The following SCRG1 variants were observed in gnomAD, a reference collection of about 807,000 sequenced individuals.
SCRG1 encodes the protein stimulator of chondrogenesis 1, also known as scrapie-responsive protein 1.
Under a neutral mutation model 7.7 loss-of-function variants are expected in SCRG1, and 3 were observed. That is an observed-to-expected ratio of 0.39 (90% CI 0.18 to 1.01). The LOEUF is 1.01. SCRG1 is among the 50% of genes least tolerant of loss of function. SCRG1 has a pLI of 0.36. For missense variants in SCRG1, 110 were observed against 117.2 expected, an observed-to-expected ratio of 0.94 and a Z score of 0.28; for synonymous variants, 46 against 41.2, an observed-to-expected ratio of 1.12 and a Z score of -0.44.
chr4:173,501,100 C>T, the SCRG1 span, among the ~76,000 whole-genome samples: 8 of 152,194 alleles, frequency 5.3e-5, 1 homozygote, highest in Admixed American at 5.2e-4. The surrounding 1 kb of genome is among the most constrained non-coding windows in gnomAD (Gnocchi z 5.1). Flanking sequence ...TGGGGCCCCT[C>T]CAAAGTGGGC....
intron 1 of SCRG1, among the ~76,000 whole-genome samples, chr4:173,391,887 G>T (rs768226401): frequency 2.2e-4 from 34 of 152,176 alleles, no homozygotes; most frequent in Non-Finnish European, 4.7e-4. Context: ...TCTACTGGGG[G>T]TGGCAGAGTG....
the SCRG1 span, among the ~76,000 whole-genome samples, chr4:173,443,542 G>C: frequency 6.6e-6 from 1 of 152,168 alleles, no homozygotes; most frequent in African/African-American, 2.4e-5. Flanking sequence ...CATTTTGGGG[G>C]AGAATTTGTA....
At chr4:173,398,712 C>T (rs1739671145) in intron 1 of SCRG1, among the ~76,000 whole-genome samples, 1 of 152,222 alleles carries the variant, frequency 6.6e-6, no homozygotes, top group South Asian at 2.1e-4. Context: ...ATCCTATATA[C>T]TTTATCATCC....
At chr4:173,476,380 A>ATATATATATATATATATATATATATATAT in the SCRG1 span, among the ~76,000 whole-genome samples, 37 of 138,508 alleles carry the variant, frequency 2.7e-4, no homozygotes, top group African/African-American at 3.3e-4. Context: ...ATATATATAT[A>ATATATATATATATATATATATATATATAT]ATGAATTGAA....
At chr4:173,506,407 C>T in the SCRG1 span, among the ~76,000 whole-genome samples, 1 of 152,084 alleles carries the variant, frequency 6.6e-6, no homozygotes, top group Non-Finnish European at 1.5e-5. This position sits in a 1 kb window ranked among gnomAD's most constrained non-coding sequence, Gnocchi z 5.3. Flanking sequence ...CCTCAGTGTG[C>T]CATCAACTCC....
At chr4:173,478,777 C>A in the SCRG1 span, among the ~76,000 whole-genome samples, 1 of 151,726 alleles carries the variant, frequency 6.6e-6, no homozygotes, top group South Asian at 2.1e-4. Flanking sequence ...TGGAAGATGA[C>A]GAAAGGAAAA....
chr4:173,485,989 G>T, the SCRG1 span, among the ~76,000 whole-genome samples: 2 of 152,006 alleles, frequency 1.3e-5, no homozygotes, highest in African/African-American at 4.8e-5. Context: ...AAAAAAAATT[G>T]TATGATTCCC....
At chr4:173,420,012 A>C in the SCRG1 span, 1 of 672,520 alleles carries the variant, frequency 1.5e-6, no homozygotes. Context: ...TGTTGTATTT[A>C]TTTTTATACT....
chr4:173,487,253 G>A, the SCRG1 span, among the ~76,000 whole-genome samples: 1 of 152,174 alleles, frequency 6.6e-6, no homozygotes, highest in Non-Finnish European at 1.5e-5. Context: ...GATAGTTGAA[G>A]CTCTCACCAT....
the SCRG1 span, among the ~76,000 whole-genome samples, chr4:173,436,346 C>T: frequency 5.9e-5 from 9 of 152,168 alleles, 1 homozygote; most frequent in Admixed American, 3.9e-4. Context: ...CCACACGAAT[C>T]CATCACTTCT....
the SCRG1 span, among the ~76,000 whole-genome samples, chr4:173,513,785 T>C: frequency 1.3e-5 from 2 of 152,174 alleles, no homozygotes; most frequent in African/African-American, 2.4e-5. Context: ...TCTAAAACCA[T>C]AGAGATGATA....
At chr4:173,429,450 G>A in the SCRG1 span, among the ~76,000 whole-genome samples, 1 of 152,056 alleles carries the variant, frequency 6.6e-6, no homozygotes, top group Admixed American at 6.6e-5. Flanking sequence ...ATACCACCAT[G>A]CCTGGCTAAT....
upstream of SCRG1, among the ~76,000 whole-genome samples, chr4:173,406,545 A>C (rs1004560909): frequency 6.6e-6 from 1 of 152,222 alleles, no homozygotes; most frequent in Admixed American, 6.5e-5. Flanking sequence ...TGACAAGCAC[A>C]TAGTGTCTTG....
the SCRG1 span, among the ~76,000 whole-genome samples, chr4:173,483,272 T>TATATTATATATTAC: frequency 3.3e-5 from 1 of 30,064 alleles, no homozygotes. Flanking sequence ...TCATATATGA[T>TATATTATATATTAC]ATATAATATA....
At chr4:173,477,104 G>C in the SCRG1 span, among the ~76,000 whole-genome samples, 7 of 152,146 alleles carry the variant, frequency 4.6e-5, no homozygotes, top group Non-Finnish European at 8.8e-5. Flanking sequence ...TTTTTCAAAT[G>C]AATCAGTAGA....
the SCRG1 span, among the ~76,000 whole-genome samples, chr4:173,506,616 TA>T: frequency 6.6e-5 from 10 of 151,638 alleles, no homozygotes; most frequent in East Asian, 3.9e-4. The surrounding 1 kb of genome is among the most constrained non-coding windows in gnomAD (Gnocchi z 5.3). Flanking sequence ...GTCCTGAGGG[TA>T]GGGGCGGGCA....
the SCRG1 span, among the ~76,000 whole-genome samples, chr4:173,488,651 T>G: frequency 6.6e-6 from 1 of 152,152 alleles, no homozygotes; most frequent in Non-Finnish European, 1.5e-5. Context: ...TACAACTGCT[T>G]TCAATCAAGC....
chr4:173,436,980 T>G, the SCRG1 span, among the ~76,000 whole-genome samples: 3 of 152,122 alleles, frequency 2.0e-5, no homozygotes, highest in African/African-American at 7.2e-5. Context: ...CTTTCCCCTC[T>G]CCCCTTCTCA....
the SCRG1 span, among the ~76,000 whole-genome samples, chr4:173,488,135 T>A: frequency 0.01 from 1,016 of 99,960 alleles, 8 homozygotes; most frequent in East Asian, 0.042. Flanking sequence ...ATAAATAAAT[T>A]TAAAAAATGG....
Sources: gnomAD v4.1 joint callset for allele counts (sites outside exome capture counted in the v4.1 genomes callset) on GRCh38, gnomAD v4.1.1 for gene constraint, Gnocchi (gnomAD v3.1) non-coding constraint, MANE v1.5 for transcripts, NCBI Gene and HGNC (gene_info 2026-07-23, HGNC 2026-07-21) for gene names.